The following IL1R1 variants were observed in gnomAD, a reference collection of about 807,000 sequenced individuals.
IL1R1 encodes the protein interleukin 1 receptor type 1.
A neutral mutation model predicts 50.2 loss-of-function variants in IL1R1; 22 were observed. The observed-to-expected ratio is 0.44, with a 90% CI of 0.31 to 0.63. IL1R1 has a LOEUF of 0.63. Among genes scored for constraint, IL1R1 ranks in the 20% least tolerant of loss-of-function variants. IL1R1 has a pLI of 0.07. For synonymous variants in IL1R1, 251 were observed against 236.7 expected (o/e 1.06, Z -0.55); for missense variants, 509 against 676.2 (o/e 0.75, Z 2.74).
chr2:102,139,140 G>A (rs935279260), upstream of IL1R1, among the ~76,000 whole-genome samples: 22 of 152,176 alleles, frequency 1.4e-4, no homozygotes, highest in Non-Finnish European at 1.8e-4. Context: ...CCCGGGAGGG[G>A]TTCTGGTCCA....
intron 2 of IL1R1, among the ~76,000 whole-genome samples, chr2:102,156,585 C>T (rs1265239122): frequency 4.6e-5 from 7 of 151,658 alleles, no homozygotes; most frequent in African/African-American, 1.5e-4. Flanking sequence ...CATCTTGGCT[C>T]ACTGCAACCC....
At chr2:102,175,448 G>A in intron 10 of IL1R1, 30 bp from the exon 11 acceptor site, 1 of 1,571,612 alleles carries the variant, frequency 6.4e-7, no homozygotes, top group East Asian at 2.2e-5. Flanking sequence ...TTTGCCTTGT[G>A]GTTCTAAATA....
chr2:102,168,457 C>T, intron 6 of IL1R1, 141 bp from the exon 7 acceptor site: 1 of 700,824 alleles, frequency 1.4e-6, no homozygotes, highest in East Asian at 2.6e-5. Context: ...CTTTCTGCCT[C>T]CTGTCTCCTG....
At chr2:102,141,101 G>C (rs1378217660), upstream of IL1R1, among the ~76,000 whole-genome samples, 1 of 152,232 alleles carries the variant, frequency 6.6e-6, no homozygotes, top group African/African-American at 2.4e-5. Flanking sequence ...TTCTGGGCTG[G>C]TTCCACAGCA....
At chr2:102,148,663 C>T (rs929935088) in intron 1 of IL1R1, among the ~76,000 whole-genome samples, 1 of 152,220 alleles carries the variant, frequency 6.6e-6, no homozygotes, top group Non-Finnish European at 1.5e-5. Flanking sequence ...TTCAGGCTCT[C>T]TGGCTGTCTG....
intron 6 of IL1R1, among the ~76,000 whole-genome samples, chr2:102,168,331 G>C (rs1364559853): frequency 2.6e-5 from 4 of 152,188 alleles, no homozygotes; most frequent in Non-Finnish European, 5.9e-5. Context: ...TGGGGACCCA[G>C]GGTCCTGGTG....
At chr2:102,149,961 G>A (rs1390097608) in intron 1 of IL1R1, among the ~76,000 whole-genome samples, 3 of 152,260 alleles carry the variant, frequency 2.0e-5, no homozygotes, top group South Asian at 2.1e-4. Flanking sequence ...CACCTCTGCT[G>A]CCGCTGTCCC....
Position 102,175,630 on chromosome 2 carries a change from G to T in IL1R1, c.1288G>T (p.Asp430Tyr). Residue 430 changes from aspartate to tyrosine, a missense_variant, in exon 11 of 12, where the codon GAC (aspartate) becomes TAC (tyrosine). Physicochemically the swap from Asp to Tyr is radical, Grantham distance 160 (BLOSUM62 -3). Coordinates refer to ENST00000410023, the MANE Select transcript of IL1R1 (RefSeq NM_000877.4). ...GYKLFIYGRD[D>Y]YVGEDIVEVI... is the part of the protein sequence containing the mutation. ...TAAGCTGTTCATTTATGGAAGGGAT[G>T]ACTACGTTGGGGAAGGTATGTGTGT... 6.2e-7 allele frequency: 1 copy of T among 1,614,008 alleles called. No individual in the cohort carries two copies. The highest frequency in any genetic ancestry group is 8.5e-7 in the Non-Finnish European group (1 of 1,179,916).
At chr2:102,094,997 T>C (rs1324248459) in intron 1 of IL1R1, among the ~76,000 whole-genome samples, 1 of 152,176 alleles carries the variant, frequency 6.6e-6, no homozygotes, top group Non-Finnish European at 1.5e-5. Flanking sequence ...ATGGTGGACA[T>C]ATTCACTATT....
chr2:102,089,040 A>G (rs953430208), intron 1 of IL1R1, among the ~76,000 whole-genome samples: 15 of 152,214 alleles, frequency 9.9e-5, no homozygotes, highest in Admixed American at 4.6e-4. Context: ...CTCCATATCA[A>G]CAATAAGGCT....
At chr2:102,129,598 T>C (rs1577913957) in intron 1 of IL1R1, among the ~76,000 whole-genome samples, 1 of 152,238 alleles carries the variant, frequency 6.6e-6, no homozygotes, top group African/African-American at 2.4e-5. Flanking sequence ...TAGGTCCTTA[T>C]GGTGAACCTG....
At chr2:102,119,963 G>A (rs763905383) in intron 1 of IL1R1, among the ~76,000 whole-genome samples, 10 of 151,994 alleles carry the variant, frequency 6.6e-5, no homozygotes, top group Non-Finnish European at 1.0e-4. Flanking sequence ...TCCCTCCTTG[G>A]CAGCCACCAC....
rs1214649996 is a variant in IL1R1, at chr2:102,172,320, C to A, written c.840-367C>A. 4.1e-6 allele frequency: 4 copies of A among 985,084 alleles called. No individual in the cohort carries two copies. In the African/African-American group the frequency reaches 5.2e-5, roughly 13 times the overall value. The allele number at this position is 985,084 out of a possible 1,614,324, so 61.0% of individuals were successfully genotyped here. ...CTGCTCATCTATGGGACAAGGATCT[C>A]CTGGCTTCCCATGACCTCTCCTTCA... On this transcript the variant is annotated intron_variant, in intron 8 of 11. Transcript: ENST00000410023.
At chr2:102,149,571 C>A (rs1273327923) in intron 1 of IL1R1, among the ~76,000 whole-genome samples, 1 of 152,164 alleles carries the variant, frequency 6.6e-6, no homozygotes, top group Non-Finnish European at 1.5e-5. Flanking sequence ...CCCACCAGCA[C>A]CCCTGTTCTT....
At chr2:102,133,945 G>GGAAAA (rs1682192226) in intron 1 of IL1R1, among the ~76,000 whole-genome samples, 2 of 151,846 alleles carry the variant, frequency 1.3e-5, no homozygotes, top group African/African-American at 4.8e-5. Flanking sequence ...TATCCAGATT[G>GGAAAA]GAAAAGAAAA....
chr2:102,088,439 G>T (rs1204361870), intron 1 of IL1R1, among the ~76,000 whole-genome samples: 1 of 151,670 alleles, frequency 6.6e-6, no homozygotes, highest in Admixed American at 6.6e-5. Context: ...TTTCCCCTGA[G>T]AACTAGCTCT....
chr2:102,130,390 A>C (rs1577915430), intron 1 of IL1R1, among the ~76,000 whole-genome samples: 1 of 152,134 alleles, frequency 6.6e-6, no homozygotes, highest in East Asian at 1.9e-4. Flanking sequence ...TTCTTGCAAA[A>C]TTCTTAGGTT....
At chr2:102,108,956 AT>A (rs1680586690) in intron 1 of IL1R1, among the ~76,000 whole-genome samples, 2 of 75,620 alleles carry the variant, frequency 2.6e-5, no homozygotes, top group African/African-American at 6.6e-5. Flanking sequence ...AATAATAATA[AT>A]AATAATAATA....
chr2:102,101,559 TCTC>T, upstream of IL1R1, among the ~76,000 whole-genome samples: 1 of 152,282 alleles, frequency 6.6e-6, no homozygotes, highest in Admixed American at 6.5e-5. Flanking sequence ...TTCTTCCTAT[TCTC>T]CTTTTTCAAT....
Sources: gnomAD v4.1 joint callset for allele counts (sites outside exome capture counted in the v4.1 genomes callset) on GRCh38, gnomAD v4.1.1 for gene constraint, MANE v1.5 for transcripts, NCBI Gene and HGNC (gene_info 2026-07-23, HGNC 2026-07-21) for gene names.